UBE3C: variants seen among roughly 807,000 people sequenced by gnomAD.
UBE3C encodes the protein ubiquitin protein ligase E3C.
In UBE3C, 42 loss-of-function variants were observed where a neutral mutation model predicts 129.4. The observed-to-expected ratio is 0.32, with a 90% CI of 0.25 to 0.42. UBE3C has a LOEUF of 0.42. Ranked by LOEUF, UBE3C falls within the 10% of genes least tolerant of loss-of-function variation. UBE3C has a pLI of 1.00. For missense variants in UBE3C, 1,049 were observed against 1,319.1 expected, an observed-to-expected ratio of 0.80 and a Z score of 3.17; for synonymous variants, 510 against 492.4, an observed-to-expected ratio of 1.04 and a Z score of -0.47.
At chr7:157,150,648 C>G (rs1807732078) in intron 1 of UBE3C, among the ~76,000 whole-genome samples, 1 of 152,090 alleles carries the variant, frequency 6.6e-6, no homozygotes, top group Non-Finnish European at 1.5e-5. Context: ...GTATTAATGT[C>G]TGTCATTAAT....
chr7:157,254,778 C>T (rs905518157), intron 21 of UBE3C, among the ~76,000 whole-genome samples: 5 of 152,038 alleles, frequency 3.3e-5, no homozygotes, highest in African/African-American at 1.2e-4. Flanking sequence ...CAGTGGCTCA[C>T]GCCTGTAATC....
In UBE3C at chr7:157,139,264, G is replaced by A. The variant is rs1293852291; in HGVS notation, c.-9G>A. On this transcript the variant is annotated 5_prime_UTR_variant, in exon 1 of 23. Transcript: ENST00000348165. The stretch of plus-strand genomic sequence containing the variant: ...GCGGCGCTGCCCGCACATGGGCTAG[G>A]CTGCCAGGATGTTCAGCTTCGAAGG... 2.0e-5 allele frequency: 31 copies of A among 1,564,346 alleles called. No homozygotes were observed. Among genetic ancestry groups the A allele is most frequent in the Non-Finnish European group, 2.7e-5 (31 of 1,162,498 alleles).
chr7:157,248,521 G>C lies in UBE3C; in HGVS notation c.2635G>C (p.Asp879His), dbSNP rs141183982. 6.2e-7 allele frequency: 1 copy of C among 1,613,086 alleles called. No homozygotes were observed. The highest frequency in any genetic ancestry group is 1.7e-5 in the Admixed American group (1 of 60,020). ...NLLFLKSYED[D>H]VEELGLNFTV... is the part of the protein sequence containing the mutation. ...GCTCTTTCTGAAGAGCTACGAAGAC[G>C]ATGTGGAGGAGCTTGGGCTGAACTT... Residue 879 changes from aspartate (D) to histidine (H), a missense_variant, in exon 19 of 23, where the codon GAT becomes CAT. Asp to His is a moderately conservative substitution (Grantham distance 81). Transcript: ENST00000348165.
intron 2 of UBE3C, among the ~76,000 whole-genome samples, chr7:157,167,010 A>G (rs1423787258): frequency 2.0e-5 from 3 of 151,218 alleles, no homozygotes; most frequent in Non-Finnish European, 4.4e-5. Context: ...GCTCACTGCA[A>G]CCTCCACCTC....
chr7:157,186,161 T>C (rs1291660067), intron 9 of UBE3C, among the ~76,000 whole-genome samples: 1 of 152,182 alleles, frequency 6.6e-6, no homozygotes, highest in Non-Finnish European at 1.5e-5. Flanking sequence ...CAGTGGCTCA[T>C]ACCTGTAATC....
intron 10 of UBE3C, chr7:157,192,830 T>TAAC (rs761857529): frequency 2.9e-5 from 33 of 1,154,478 alleles, no homozygotes; most frequent in Non-Finnish European, 4.2e-5. Context: ...AGAAGACAAG[T>TAAC]AACTGCGTAT....
intron 17 of UBE3C, among the ~76,000 whole-genome samples, chr7:157,228,829 A>G (rs892155126): frequency 2.6e-5 from 4 of 152,210 alleles, no homozygotes; most frequent in East Asian, 1.9e-4. Flanking sequence ...TATTTGCCCT[A>G]TTTGACACAT....
intron 10 of UBE3C, chr7:157,198,129 T>A (rs35978696): frequency 0.072 from 115,797 of 1,611,640 alleles, 4,379 homozygotes; most frequent in Non-Finnish European, 0.079. Context: ...TTCTCCATCA[T>A]CTAAACTGAA....
In UBE3C at chr7:157,170,432, T is replaced by G; in HGVS notation, c.324T>G (p.Asn108Lys). The G allele has an allele frequency of 6.4e-7, 1 of 1,557,148 alleles. No homozygotes were observed. The highest frequency in any genetic ancestry group is 8.6e-7 in the Non-Finnish European group (1 of 1,156,652). The change falls in exon 4 of 23, where the codon AAT becomes AAG. Residue 108 changes from asparagine to lysine, a missense_variant. By Grantham distance (94) the Asn-to-Lys change is moderately conservative. Coordinates refer to ENST00000348165, the MANE Select transcript of UBE3C (RefSeq NM_014671.3). Reference sequence around the variant, plus strand: ...AGCTTCTGTTTTTTTACAAACAAAATGAAGACTCAAAACGTTTGGTGAGTG... The same window carrying G: ...AGCTTCTGTTTTTTTACAAACAAAAGGAAGACTCAAAACGTTTGGTGAGTG... ...VRQLLFFYKQNEDSKRLIWLY... is the reference protein window; with the variant it reads ...VRQLLFFYKQKEDSKRLIWLY...
At chr7:157,251,022 TAG>T (rs1172116716) in intron 19 of UBE3C, among the ~76,000 whole-genome samples, 1 of 152,230 alleles carries the variant, frequency 6.6e-6, no homozygotes, top group Non-Finnish European at 1.5e-5. Flanking sequence ...CAGTTATTCA[TAG>T]AGATTCCCAC....
chr7:157,267,675 CCCGAGTTCT>C lies in UBE3C; in HGVS notation c.3173_3181del (p.Pro1058_Tyr1061delinsHis). ...CACCTGCATGAACCTGCTGAAGCTC[CCCGAGTTCT>C]ATGACGAGACACTTTTGCGAAGTAA... On this transcript the variant is annotated inframe_deletion, in exon 23 of 23. Coordinates refer to ENST00000348165, the MANE Select transcript of UBE3C (RefSeq NM_014671.3). The C allele has an allele frequency of 1.2e-6, 2 of 1,613,626 alleles. No homozygotes were observed. The highest frequency in any genetic ancestry group is 1.7e-6 in the Non-Finnish European group (2 of 1,179,874).
intron 14 of UBE3C, among the ~76,000 whole-genome samples, chr7:157,220,070 G>A (rs1036572905): frequency 2.0e-5 from 3 of 152,122 alleles, no homozygotes; most frequent in Non-Finnish European, 4.4e-5. Flanking sequence ...AATTAACCAG[G>A]CGTGATGGTA....
chr7:157,170,584 CTG>C, intron 4 of UBE3C, 134 bp downstream of exon 4: 1 of 927,868 alleles, frequency 1.1e-6, no homozygotes, highest in Non-Finnish European at 1.5e-6. Context: ...TCTCAGCTAG[CTG>C]TGAGAGGTTA....
rs372529835 is a variant in UBE3C, at chr7:157,183,866, T to A, written c.992-12T>A. ...TTAACTAAAATACGTTTTAACTGAT[T>A]GTTTTGCAAAGGGGCCCTCTCTGAG... On this transcript the variant is annotated splice_polypyrimidine_tract_variant and intron_variant, in intron 8 of 22. Transcript: ENST00000348165. The A allele has an allele frequency of 6.2e-7, 1 of 1,606,490 alleles. No individual in the cohort carries two copies. The highest frequency in any genetic ancestry group is 1.3e-5 in the African/African-American group (1 of 74,600).
intron 18 of UBE3C, among the ~76,000 whole-genome samples, chr7:157,232,935 A>G (rs1796059374): frequency 6.6e-6 from 1 of 152,168 alleles, no homozygotes; most frequent in African/African-American, 2.4e-5. Flanking sequence ...TTTAAAGTGT[A>G]CAGTTCAGTG....
chr7:157,249,835 G>T (rs761569613), intron 19 of UBE3C, among the ~76,000 whole-genome samples: 1 of 152,062 alleles, frequency 6.6e-6, no homozygotes, highest in Non-Finnish European at 1.5e-5. Context: ...AGTAACATCT[G>T]GGATTTGCTT....
intron 18 of UBE3C, among the ~76,000 whole-genome samples, chr7:157,242,514 G>GTTGTTT (rs776094182): frequency 2.2e-4 from 25 of 111,926 alleles, no homozygotes; most frequent in African/African-American, 6.6e-4. Flanking sequence ...AGCCTGAGTT[G>GTTGTTT]TTTTTTTTTT....
chr7:157,140,231 A>G (rs1391761116), intron 1 of UBE3C, among the ~76,000 whole-genome samples: 1 of 139,206 alleles, frequency 7.2e-6, no homozygotes, highest in Non-Finnish European at 1.5e-5. Context: ...TTTCTTGTCT[A>G]TCAGTATATT....
At chr7:157,139,592 C>G (rs10252238) in intron 1 of UBE3C, among the ~76,000 whole-genome samples, 15,567 of 152,254 alleles carry the variant, frequency 0.1, 912 homozygotes, top group African/African-American at 0.14. Context: ...CGGGGCCTCC[C>G]TGGCTGGAAC....
Sources: allele counts gnomAD v4.1 joint callset (sites outside exome capture counted in the v4.1 genomes callset), GRCh38; gene constraint gnomAD v4.1.1; transcripts MANE v1.5; gene names NCBI Gene and HGNC (gene_info 2026-07-23, HGNC 2026-07-21).